Variants in PCYOX1L observed in about 807,000 individuals in gnomAD.
PCYOX1L encodes prenylcysteine oxidase 1 like.
PCYOX1L carries 40 observed loss-of-function variants against 44.1 expected under a neutral mutation model. That is an observed-to-expected ratio of 0.91 (90% CI 0.70 to 1.18). The LOEUF (loss-of-function observed/expected upper bound fraction) is 1.18. Ranked by LOEUF, PCYOX1L falls within the 50% of genes most tolerant of loss-of-function variation. The probability of loss-of-function intolerance (pLI) is 0.00; values close to 1 mark genes in which losing one functional copy is unlikely to be tolerated. For missense variants in PCYOX1L, 605 were observed against 653.3 expected (o/e 0.93, Z 0.81); for synonymous variants, 266 against 282.8 (o/e 0.94, Z 0.60).
chr5:149,364,355 C>G (rs184104753), intron 3 of PCYOX1L, 145 bp downstream of exon 3: 238 of 971,088 alleles, frequency 2.5e-4, no homozygotes, highest in Admixed American at 4.2e-4. Flanking sequence ...CAGAGCAAGC[C>G]CCTGGCATGA....
At chr5:149,363,810 C>A (rs1246932896) in intron 2 of PCYOX1L, 2 of 538,130 alleles carry the variant, frequency 3.7e-6, no homozygotes, top group Non-Finnish European at 6.4e-6. Context: ...ACTTGTGGAT[C>A]CTCCTGGGGA....
intron 2 of PCYOX1L, 109 bp downstream of exon 2, chr5:149,362,952 A>G: frequency 1.6e-6 from 2 of 1,221,830 alleles, no homozygotes; most frequent in Non-Finnish European, 2.4e-6. Flanking sequence ...CATGTGGCCC[A>G]ATCTCATTTT....
At chr5:149,360,113 G>A (rs1317532027) in intron 1 of PCYOX1L, among the ~76,000 whole-genome samples, 1 of 152,214 alleles carries the variant, frequency 6.6e-6, no homozygotes, top group Non-Finnish European at 1.5e-5. Context: ...TTCCCCTTCA[G>A]GACTCCCTGG....
At chr5:149,359,704 C>T (rs1047194009) in intron 1 of PCYOX1L, among the ~76,000 whole-genome samples, 24 of 152,220 alleles carry the variant, frequency 1.6e-4, no homozygotes, top group African/African-American at 5.8e-4. Context: ...CCTCCTTCCT[C>T]CCAGCTGGCC....
chr5:149,367,522 G>T (rs1470338063), intron 5 of PCYOX1L, 22 bp downstream of exon 5: 2 of 1,608,312 alleles, frequency 1.2e-6, no homozygotes, highest in Non-Finnish European at 1.7e-6. Flanking sequence ...GGGCGGGAGT[G>T]GGCAGGCATG....
chr5:149,366,166 C>T lies in PCYOX1L; in HGVS notation c.682+13C>T, dbSNP rs1173129207. 1.2e-6 allele frequency: 2 copies of T among 1,606,698 alleles called. No individual in the cohort carries two copies. Among genetic ancestry groups the T allele is most frequent in the Non-Finnish European group, 1.7e-6 (2 of 1,179,024 alleles). ...CCCGCCTTTGCAGGTAAGCGTCCAA[C>T]CCTTGGCCTGCCCACCTGCCCCTCC... On this transcript the variant is annotated intron_variant, in intron 4 of 5. Transcript: ENST00000274569.
At chr5:149,358,801 T>A (rs991030742) in intron 1 of PCYOX1L, among the ~76,000 whole-genome samples, 7 of 152,222 alleles carry the variant, frequency 4.6e-5, no homozygotes, top group African/African-American at 1.7e-4. Context: ...TGTGTGTGGT[T>A]TCCCCAATAC....
intron 1 of PCYOX1L, among the ~76,000 whole-genome samples, chr5:149,360,398 G>A (rs1027215778): frequency 5.9e-5 from 9 of 152,170 alleles, no homozygotes; most frequent in Non-Finnish European, 1.2e-4. Flanking sequence ...GCACATGGAG[G>A]GGATGGGAGC....
Position 149,368,088 on chromosome 5 carries a change from G to T in PCYOX1L, c.919G>T (p.Asp307Tyr). The change falls in exon 6 of 6, where the codon GAC (aspartate) becomes TAC (tyrosine). Residue 307 changes from aspartate (D) to tyrosine (Y), a missense_variant. Coordinates refer to ENST00000274569, the MANE Select transcript of PCYOX1L (RefSeq NM_024028.4). ...GGTCATCGCCACCCCCCTGCACCTG[G>T]ACAACAGCAGCAGCAACTTAACCTT... ...IVVIATPLHL[D>Y]NSSSNLTFAG... The T allele has an allele frequency of 6.2e-7, 1 of 1,610,988 alleles. No individual in the cohort carries two copies. The highest frequency in any genetic ancestry group is 1.1e-5 in the South Asian group (1 of 90,504).
At chr5:149,366,185 C>G in intron 4 of PCYOX1L, 32 bp downstream of exon 4, 1 of 1,598,178 alleles carries the variant, frequency 6.3e-7, no homozygotes, top group Admixed American at 1.7e-5. Flanking sequence ...TGCCCACCTG[C>G]CCCTCCTCCA....
At chr5:149,361,795 A>G (rs1758017281) in intron 1 of PCYOX1L, among the ~76,000 whole-genome samples, 1 of 152,062 alleles carries the variant, frequency 6.6e-6, no homozygotes, top group Admixed American at 6.5e-5. Context: ...CACCCAGCTA[A>G]TTTTGTATTT....
rs1758349960 is a variant in PCYOX1L at position 149,369,474 on chromosome 5, A to G, written c.*820A>G. 6.6e-6 allele frequency: 1 copy of G among 152,186 alleles called. No homozygotes were observed. Among genetic ancestry groups the G allele is most frequent in the African/African-American group, 2.4e-5 (1 of 41,438 alleles). 9.4% of individuals were successfully genotyped at this position (152,186 alleles called of 1,614,324 possible). A position where few individuals can be genotyped will look rare whatever the true frequency, so the allele number is the denominator to read the frequency against. On this transcript the variant is annotated 3_prime_UTR_variant, in exon 6 of 6. Transcript: ENST00000274569. The stretch of plus-strand genomic sequence containing the variant: ...GAGAGCAGTCATATCTTACCCCTAG[A>G]TGTTCATCCCAGCAGAAGAAAGAAG...
At position 149,368,397 on chromosome 5, in the gene PCYOX1L, C is replaced by G; in HGVS notation, c.1228C>G (p.Leu410Val). ...KPLFRTQLKTLFRSYYSVQTA... is the reference protein window; with the variant it reads ...KPLFRTQLKTVFRSYYSVQTA... ...CCTCTTTCGGACCCAGCTAAAGACC[C>G]TGTTCCGTTCCTATTACTCAGTGCA... The change falls in exon 6 of 6, where the codon CTG becomes GTG. Residue 410 changes from leucine to valine, a missense_variant. Coordinates refer to ENST00000274569, the MANE Select transcript of PCYOX1L (RefSeq NM_024028.4). The G allele has an allele frequency of 1.2e-6, 2 of 1,614,230 alleles. No individual in the cohort carries two copies. The highest frequency in any genetic ancestry group is 1.3e-5 in the African/African-American group (1 of 75,060).
intron 4 of PCYOX1L, among the ~76,000 whole-genome samples, chr5:149,366,803 G>A (rs1758225573): frequency 6.6e-6 from 1 of 152,198 alleles, no homozygotes; most frequent in Admixed American, 6.5e-5. Context: ...TTCAGGCCCT[G>A]CCTCAGTGTC....
At position 149,364,490 on chromosome 5, in the gene PCYOX1L, G is replaced by T. The variant is rs370343806; in HGVS notation, c.470+280G>T. Reference sequence around the variant, plus strand: ...TTGCAAACTCAGTCGCTTAACAAGGGCTGAACTGGGATGCGAGTCAGTGAA... The same window carrying T: ...TTGCAAACTCAGTCGCTTAACAAGGTCTGAACTGGGATGCGAGTCAGTGAA... On this transcript the variant is annotated intron_variant, in intron 3 of 5. Transcript: ENST00000274569. 100 of 322,056 alleles carry T rather than the reference G, an allele frequency of 3.1e-4. 3 individuals are homozygous for T. In the East Asian group the frequency reaches 3.7e-3, roughly 12 times the overall value. The allele number at this position is 322,056 out of a possible 1,614,324, so 19.9% of individuals were successfully genotyped here. A position where few individuals can be genotyped will look rare whatever the true frequency, so the allele number is the denominator to read the frequency against.
Position 149,369,246 on chromosome 5 carries a change from G to C in PCYOX1L, c.*592G>C, listed in dbSNP as rs1758342934. The C allele has an allele frequency of 6.6e-6, 1 of 152,206 alleles. No individual in the cohort carries two copies. The highest frequency in any genetic ancestry group is 2.4e-5 in the African/African-American group (1 of 41,420). 9.4% of individuals were successfully genotyped at this position (152,206 alleles called of 1,614,324 possible). On this transcript the variant is annotated 3_prime_UTR_variant, in exon 6 of 6. Transcript: ENST00000274569. ...TCACTGCATATTGGAGGAGATGACT[G>C]TGGTAGGACCCAAGGAAGAGATGTG...
intron 5 of PCYOX1L, 147 bp from the exon 6 acceptor site, chr5:149,367,846 G>A: frequency 1.2e-6 from 1 of 835,988 alleles, no homozygotes; most frequent in Non-Finnish European, 1.8e-6. Flanking sequence ...AGCCGCATCA[G>A]CATGGAGAGG....
chr5:149,366,749 G>A (rs1045025437), intron 4 of PCYOX1L, among the ~76,000 whole-genome samples: 4 of 152,168 alleles, frequency 2.6e-5, no homozygotes, highest in South Asian at 2.1e-4. Context: ...TCGTACCCTC[G>A]ATACTGTTCA....
intron 3 of PCYOX1L, chr5:149,364,421 C>T (rs188606246): frequency 3.3e-4 from 184 of 564,396 alleles, no homozygotes; most frequent in African/African-American, 2.5e-3. Context: ...CATTGACTCT[C>T]ATTTTCTTAC....
Sources: gnomAD v4.1 joint callset for allele counts (sites outside exome capture counted in the v4.1 genomes callset) on GRCh38, gnomAD v4.1.1 for gene constraint, MANE v1.5 for transcripts, NCBI Gene and HGNC (gene_info 2026-07-23, HGNC 2026-07-21) for gene names.